The following ARFGEF1 variants were observed in gnomAD, a reference collection of about 807,000 sequenced individuals.
ARFGEF1 encodes brefeldin A-inhibited guanine nucleotide-exchange protein 1.
Under a neutral mutation model 231.0 loss-of-function variants are expected in ARFGEF1, and 42 were observed. The observed-to-expected ratio is 0.18, with a 90% CI of 0.14 to 0.24. The LOEUF is 0.24. ARFGEF1 is among the 10% of genes least tolerant of loss of function. The pLI, the probability that ARFGEF1 is intolerant of heterozygous loss-of-function variation, is 1.00. For synonymous variants in ARFGEF1, 710 were observed against 732.3 expected (o/e 0.97, Z 0.49); for missense variants, 1,345 against 2,192.0 (o/e 0.61, Z 7.72).
At position 67,343,376 on chromosome 8, in the gene ARFGEF1, A is replaced by C; in HGVS notation, c.-89T>G. The stretch of plus-strand genomic sequence containing the variant: ...GAGGAGAGGAAGGAAGAGAAGAGAG[A>C]AAGGAGAGGGGGTGGAGGTGGGGGA... On this transcript the variant is annotated 5_prime_UTR_variant, in exon 1 of 39. Transcript: ENST00000262215. The C allele has an allele frequency of 7.0e-7, 1 of 1,434,468 alleles. No individual in the cohort carries two copies. The highest frequency in any genetic ancestry group is 1.2e-5 in the South Asian group (1 of 82,352). The allele number at this position is 1,434,468 out of a possible 1,614,324, so 88.9% of individuals were successfully genotyped here.
chr8:67,320,833 G>A (rs568306838), intron 1 of ARFGEF1, among the ~76,000 whole-genome samples: 5 of 151,900 alleles, frequency 3.3e-5, no homozygotes, highest in Non-Finnish European at 7.4e-5. Flanking sequence ...GTGGTGGCAG[G>A]CGCCTGTAAT....
chr8:67,336,671 A>T (rs1402130850), intron 1 of ARFGEF1, among the ~76,000 whole-genome samples: 1 of 152,120 alleles, frequency 6.6e-6, no homozygotes, highest in Non-Finnish European at 1.5e-5. Context: ...CCTCTTCCTT[A>T]AAAGGACACC....
chr8:67,282,850 A>AC lies in ARFGEF1; in HGVS notation c.1027+5104_1027+5105insG, dbSNP rs1326594431. Among the ~76,000 whole-genome samples, 9 of 151,310 alleles carry AC rather than the reference A, an allele frequency of 5.9e-5. No homozygotes were observed. In the East Asian group the frequency reaches 1.7e-3, roughly 29 times the overall value. On this transcript the variant is annotated intron_variant, in intron 7 of 38. Transcript: ENST00000262215. ...ATGATAGAGCAAGACTTCATCTCAA[A>AC]AAAAAAAAAAGAAAGAAAGAAAAAG... is the stretch of plus-strand genomic sequence containing the variant.
intron 19 of ARFGEF1, among the ~76,000 whole-genome samples, chr8:67,244,259 A>C (rs1437135203): frequency 3.1e-5 from 1 of 32,396 alleles, no homozygotes; most frequent in Non-Finnish European, 5.4e-5. Flanking sequence ...AAAAAAAAAA[A>C]AAAAAAAAAC....
chr8:67,241,748 G>A (rs866035855), intron 19 of ARFGEF1, among the ~76,000 whole-genome samples: 3 of 152,088 alleles, frequency 2.0e-5, no homozygotes, highest in South Asian at 2.1e-4. Context: ...CATAAGAACC[G>A]AGAAACAGGT....
chr8:67,222,181 A>G (rs1415691055), intron 29 of ARFGEF1, among the ~76,000 whole-genome samples: 118 of 90,244 alleles, frequency 1.3e-3, no homozygotes, highest in Middle Eastern at 9.1e-3. Context: ...ATATATATAC[A>G]CATATATATA....
intron 5 of ARFGEF1, among the ~76,000 whole-genome samples, chr8:67,295,850 C>T (rs1490680925): frequency 1.3e-5 from 2 of 152,092 alleles, no homozygotes; most frequent in African/African-American, 4.8e-5. Flanking sequence ...AGGGATTGCT[C>T]TGAAAAATTT....
At chr8:67,234,374 G>C (rs1163616912) in intron 22 of ARFGEF1, among the ~76,000 whole-genome samples, 1 of 152,126 alleles carries the variant, frequency 6.6e-6, no homozygotes, top group Non-Finnish European at 1.5e-5. Context: ...AATTTCAATA[G>C]GGACAAGAAC....
chr8:67,266,336 T>G, intron 13 of ARFGEF1, 129 bp from the exon 14 acceptor site: 1 of 679,358 alleles, frequency 1.5e-6, no homozygotes, highest in South Asian at 2.0e-5. Context: ...ACAAAATAAC[T>G]ATTAGGTAAC....
intron 1 of ARFGEF1, among the ~76,000 whole-genome samples, chr8:67,309,002 T>G (rs1451139886): frequency 6.6e-6 from 1 of 152,148 alleles, no homozygotes; most frequent in East Asian, 1.9e-4. Context: ...GCAACCTAGG[T>G]GTCCATCATC....
downstream of ARFGEF1, chr8:67,193,401 T>A: frequency 2.0e-6 from 3 of 1,477,350 alleles, no homozygotes; most frequent in Non-Finnish European, 2.8e-6. Context: ...CTGGCCCTGA[T>A]TCACTGATTT....
At chr8:67,332,724 A>T (rs1808154702) in intron 1 of ARFGEF1, among the ~76,000 whole-genome samples, 2 of 151,810 alleles carry the variant, frequency 1.3e-5, no homozygotes, top group South Asian at 4.2e-4. Flanking sequence ...TTGTATTGTT[A>T]CTTACAAACA....
chr8:67,245,789 A>G (rs1840087557), intron 19 of ARFGEF1, among the ~76,000 whole-genome samples: 1 of 150,310 alleles, frequency 6.7e-6, no homozygotes, highest in Non-Finnish European at 1.5e-5. Flanking sequence ...CTCTTCAATA[A>G]AAAGATACAT....
At chr8:67,210,079 C>T (rs1306621400) in intron 34 of ARFGEF1, among the ~76,000 whole-genome samples, 3 of 140,948 alleles carry the variant, frequency 2.1e-5, no homozygotes, top group Admixed American at 7.5e-5. Context: ...GGCGTGAACC[C>T]GGGAGGTGGA....
intron 8 of ARFGEF1, among the ~76,000 whole-genome samples, chr8:67,276,659 C>T (rs868542696): frequency 3.0e-4 from 46 of 152,128 alleles, no homozygotes; most frequent in African/African-American, 1.0e-3. Context: ...TACCATGGTA[C>T]TGATTTCTTT....
chr8:67,333,074 T>C (rs1563920924), intron 1 of ARFGEF1, among the ~76,000 whole-genome samples: 1 of 151,408 alleles, frequency 6.6e-6, no homozygotes, highest in East Asian at 1.9e-4. Context: ...TCTCACTCTG[T>C]TGCCAGGCAG....
intron 5 of ARFGEF1, chr8:67,190,580 C>A: frequency 8.9e-7 from 1 of 1,125,758 alleles, no homozygotes; most frequent in Non-Finnish European, 1.4e-6. Context: ...AATTAAAAGG[C>A]TCTTGGTTTA....
chr8:67,251,817 T>A (rs890083763), intron 18 of ARFGEF1, among the ~76,000 whole-genome samples: 10 of 152,220 alleles, frequency 6.6e-5, no homozygotes, highest in African/African-American at 2.4e-4. Context: ...GCTAATTTTA[T>A]GTTCTATGAA....
In ARFGEF1 at chr8:67,302,483, A is replaced by G. The variant is rs1160469890; in HGVS notation, c.125-17T>C. On this transcript the variant is annotated splice_polypyrimidine_tract_variant and intron_variant, in intron 1 of 38. Coordinates refer to ENST00000262215, the MANE Select transcript of ARFGEF1 (RefSeq NM_006421.5). The stretch of plus-strand genomic sequence containing the variant: ...TTATTTCCTCTGAGGGGAAAAAAAA[A>G]GAAGCATACATTAGAAAACTGGACA... 1 of 1,552,958 alleles carries G rather than the reference A, an allele frequency of 6.4e-7. No homozygotes were observed. The highest frequency in any genetic ancestry group is 8.7e-7 in the Non-Finnish European group (1 of 1,152,714).
Sources: allele counts gnomAD v4.1 joint callset (sites outside exome capture counted in the v4.1 genomes callset), GRCh38; gene constraint gnomAD v4.1.1; transcripts MANE v1.5; gene names NCBI Gene and HGNC (gene_info 2026-07-23, HGNC 2026-07-21).